Variants in TRPS1 observed in about 807,000 individuals in gnomAD.
TRPS1 encodes the protein zinc finger transcription factor Trps1.
In TRPS1, 6 loss-of-function variants were observed where a neutral mutation model predicts 101.2. The ratio of observed to expected loss-of-function variants is 0.06; its 90% CI spans 0.03 to 0.12. TRPS1 has a LOEUF of 0.12. TRPS1 is among the 10% of genes least tolerant of loss of function. TRPS1 has a pLI of 1.00. For missense variants in TRPS1, 1,363 were observed against 1,567.0 expected (o/e 0.87, Z 2.20); for synonymous variants, 578 against 589.8 (o/e 0.98, Z 0.29).
At chr8:115,631,659 ATGGATG>A (rs1818645670) in intron 1 of TRPS1, among the ~76,000 whole-genome samples, 1 of 148,078 alleles carries the variant, frequency 6.8e-6, no homozygotes, top group Non-Finnish European at 1.5e-5. Flanking sequence ...GGATGGATGG[ATGGATG>A]GATGGATGGA....
At chr8:115,527,881 C>G (rs1470440749) in intron 5 of TRPS1, among the ~76,000 whole-genome samples, 4 of 152,028 alleles carry the variant, frequency 2.6e-5, no homozygotes, top group Non-Finnish European at 5.9e-5. Context: ...GTGTCAGAAT[C>G]TGAGTAAGGT....
At chr8:115,494,115 ATTC>A (rs1279217063) in intron 5 of TRPS1, among the ~76,000 whole-genome samples, 5 of 152,196 alleles carry the variant, frequency 3.3e-5, no homozygotes, top group South Asian at 2.1e-4. Flanking sequence ...ACAGTAGCTA[ATTC>A]TTCTTTCCAA....
rs1446430780 is a variant in TRPS1, at chr8:115,587,384, C to G, written c.2317G>C (p.Val773Leu). The G allele has an allele frequency of 2.5e-6, 4 of 1,614,114 alleles. No homozygotes were observed. Among genetic ancestry groups the G allele is most frequent in the African/African-American group, 1.3e-5 (1 of 74,928 alleles). ...TCTCTCTTCACCACACTCTCAGAAA[C>G]TGGCTCTCCCATTTTAGAGTCTGGA... ...LTPDSKMGEP[V>L]SESVVKREKL... is the part of the protein sequence containing the mutation. The change falls in exon 5 of 7, where the codon GTT becomes CTT. Residue 773 changes from valine (V) to leucine (L), a missense_variant. Around this residue, in one of 5 missense-constraint regions of TRPS1, gnomAD observed 1,020 missense variants for 1,073.0 expected, o/e 0.95. Transcript: ENST00000395715.
intron 5 of TRPS1, among the ~76,000 whole-genome samples, chr8:115,487,845 T>C (rs1035448137): frequency 6.6e-6 from 1 of 152,200 alleles, no homozygotes; most frequent in South Asian, 2.1e-4. Flanking sequence ...GCTGTGAATG[T>C]TGTTGAAATG....
intron 5 of TRPS1, among the ~76,000 whole-genome samples, chr8:115,572,930 C>T (rs2103481): frequency 0.69 from 104,998 of 151,834 alleles, 37,721 homozygotes; most frequent in African/African-American, 0.89. Flanking sequence ...GTCAGGAGTT[C>T]GAGACCAGCC....
At chr8:115,516,457 G>A (rs185613519) in intron 5 of TRPS1, among the ~76,000 whole-genome samples, 1 of 151,494 alleles carries the variant, frequency 6.6e-6, no homozygotes, top group Admixed American at 6.6e-5. Flanking sequence ...GAAATCTTTG[G>A]AAAGACTCAA....
intron 3 of TRPS1, among the ~76,000 whole-genome samples, chr8:115,614,494 A>G (rs1228673355): frequency 6.6e-6 from 1 of 152,248 alleles, no homozygotes; most frequent in Non-Finnish European, 1.5e-5. Flanking sequence ...TAGCTCTGCC[A>G]TCTCCACTGA....
Position 115,587,329 on chromosome 8 carries a change from T to C in TRPS1, c.2372A>G (p.Glu791Gly). The change falls in exon 5 of 7, where the codon GAG becomes GGG. Residue 791 changes from glutamate to glycine, a missense_variant. By Grantham distance (98) the Glu-to-Gly change is moderately conservative. Coordinates refer to ENST00000395715, the MANE Select transcript of TRPS1 (RefSeq NM_014112.5). ...ACTGGAACTCTCGGTCCAAACTTTC[T>C]CTTTGAGCCCGTCCTTCTCTTCCAG... ...EKLEEKDGLK[E>G]KVWTESSSDD... 6.2e-7 allele frequency: 1 copy of C among 1,614,184 alleles called. No homozygotes were observed. Among genetic ancestry groups the C allele is most frequent in the African/African-American group, 1.3e-5 (1 of 75,058 alleles).
intron 5 of TRPS1, among the ~76,000 whole-genome samples, chr8:115,514,491 T>G (rs1407967759): frequency 6.6e-6 from 1 of 151,716 alleles, no homozygotes; most frequent in East Asian, 1.9e-4. Flanking sequence ...AACATATAAT[T>G]AAATGGAGAG....
chr8:115,580,969 T>C (rs902846804), intron 5 of TRPS1, among the ~76,000 whole-genome samples: 2 of 152,090 alleles, frequency 1.3e-5, no homozygotes, highest in African/African-American at 2.4e-5. Flanking sequence ...TGCAGCACTA[T>C]TGACAATAAT....
chr8:115,602,354 G>A (rs1817928021), intron 4 of TRPS1, among the ~76,000 whole-genome samples: 1 of 152,100 alleles, frequency 6.6e-6, no homozygotes, highest in Non-Finnish European at 1.5e-5. Context: ...ACATATCCAC[G>A]CTAGTAAAGC....
intron 5 of TRPS1, among the ~76,000 whole-genome samples, chr8:115,439,685 A>C (rs1291718150): frequency 6.6e-6 from 1 of 152,218 alleles, no homozygotes; most frequent in Non-Finnish European, 1.5e-5. Context: ...CTGTAAAACT[A>C]AACCTTCCAG....
chr8:115,608,154 C>G (rs1414910238), intron 3 of TRPS1, among the ~76,000 whole-genome samples: 1 of 152,104 alleles, frequency 6.6e-6, no homozygotes, highest in African/African-American at 2.4e-5. Context: ...TTAGCTGTGA[C>G]TATACTAAAA....
intron 5 of TRPS1, among the ~76,000 whole-genome samples, chr8:115,534,939 G>A (rs112285526): frequency 0.013 from 2,034 of 151,334 alleles, 40 homozygotes; most frequent in African/African-American, 0.046. Flanking sequence ...GTTGGAGAAG[G>A]TGAAGAAAAA....
At position 115,540,369 on chromosome 8, in the gene TRPS1, G is replaced by A. The variant is rs544687352; in HGVS notation, c.2700+46632C>T. Among the ~76,000 whole-genome samples, 3 of 152,284 alleles carry A rather than the reference G, an allele frequency of 2.0e-5. No individual in the cohort carries two copies. The South Asian group carries it at 6.2e-4, about 32-fold the overall frequency. On this transcript the variant is annotated intron_variant, in intron 5 of 6. Coordinates refer to ENST00000395715, the MANE Select transcript of TRPS1 (RefSeq NM_014112.5). The stretch of plus-strand genomic sequence containing the variant: ...ACTCAAAACAAGCGATGGATGACTG[G>A]TGGTTGGTTCTGTGTGCCTCCTATA...
At chr8:115,429,859 T>C (rs984576518) in intron 5 of TRPS1, among the ~76,000 whole-genome samples, 3 of 152,196 alleles carry the variant, frequency 2.0e-5, no homozygotes, top group African/African-American at 7.2e-5. Flanking sequence ...AAATAAATTA[T>C]AGCAAGAAAT....
chr8:115,668,094 G>C (rs576051260), intron 1 of TRPS1: 4 of 615,630 alleles, frequency 6.5e-6, no homozygotes, highest in Middle Eastern at 4.4e-4. Flanking sequence ...TTGGCAAATG[G>C]GGATTTGTTT....
At chr8:115,640,656 T>C (rs1393041005) in intron 1 of TRPS1, among the ~76,000 whole-genome samples, 2 of 152,226 alleles carry the variant, frequency 1.3e-5, no homozygotes, top group African/African-American at 4.8e-5. Flanking sequence ...TACCAATGCC[T>C]GTATCCAGTA....
chr8:115,641,974 G>C (rs922258901), intron 1 of TRPS1, among the ~76,000 whole-genome samples: 1 of 152,104 alleles, frequency 6.6e-6, no homozygotes, highest in Non-Finnish European at 1.5e-5. Context: ...CACTTTGGGA[G>C]ACTGAGATGG....
Sources: gnomAD v4.1 joint callset for allele counts (sites outside exome capture counted in the v4.1 genomes callset) on GRCh38, gnomAD v4.1.1 for gene constraint, gnomAD v4.1.1 regional missense constraint, MANE v1.5 for transcripts, NCBI Gene and HGNC (gene_info 2026-07-23, HGNC 2026-07-21) for gene names.